The following ERG variants were observed in gnomAD, a reference collection of about 807,000 sequenced individuals.
The protein encoded by ERG is transcriptional regulator ERG.
In ERG, 9 loss-of-function variants were observed where a neutral mutation model predicts 55.3. The ratio of observed to expected loss-of-function variants is 0.16; its 90% CI spans 0.10 to 0.28. The LOEUF (loss-of-function observed/expected upper bound fraction) is 0.28. Ranked by LOEUF, ERG falls within the 10% of genes least tolerant of loss-of-function variation. ERG has a pLI of 1.00. For synonymous variants in ERG, 223 were observed against 237.3 expected (o/e 0.94, Z 0.55); for missense variants, 434 against 631.6 (o/e 0.69, Z 3.35).
intron 2 of ERG, among the ~76,000 whole-genome samples, chr21:38,520,897 C>T (rs1228081997): frequency 7.2e-5 from 11 of 152,116 alleles, no homozygotes; most frequent in Non-Finnish European, 1.0e-4. Context: ...TTATATCAGA[C>T]GTGCTCATAG....
chr21:38,532,956 A>G (rs1031639006), intron 2 of ERG, among the ~76,000 whole-genome samples: 3 of 152,268 alleles, frequency 2.0e-5, no homozygotes, highest in African/African-American at 7.2e-5. Context: ...TCTACTTGTA[A>G]TAAGCCATCT....
At chr21:38,386,306 C>A (rs1987688892) in intron 9 of ERG, among the ~76,000 whole-genome samples, 1 of 152,058 alleles carries the variant, frequency 6.6e-6, no homozygotes, top group Non-Finnish European at 1.5e-5. Flanking sequence ...AGCTTTCAAA[C>A]CTTGAAAGAA....
At chr21:38,544,310 C>T (rs1031854989) in intron 2 of ERG, among the ~76,000 whole-genome samples, 6 of 152,190 alleles carry the variant, frequency 3.9e-5, no homozygotes, top group African/African-American at 1.2e-4. Flanking sequence ...AGGCTGGCAG[C>T]GCTGGAGCCA....
rs1217779901 is a variant in ERG, at chr21:38,400,647, T to C, written c.674-2A>G. On this transcript the variant is annotated splice_acceptor_variant, in intron 5 of 9. Coordinates refer to ENST00000288319, the MANE Select transcript of ERG (RefSeq NM_182918.4). LOFTEE classifies it high-confidence loss of function. The stretch of plus-strand genomic sequence containing the variant: ...TTGGGAAAATAAAAGCTGCACCCCC[T>C]GCAGACAAAAGGAAAGACAAACATG... The C allele has an allele frequency of 6.3e-7, 1 of 1,599,964 alleles. No individual in the cohort carries two copies. The highest frequency in any genetic ancestry group is 2.2e-5 in the East Asian group (1 of 44,542).
At chr21:38,525,847 C>G (rs563007073) in intron 2 of ERG, among the ~76,000 whole-genome samples, 14 of 152,322 alleles carry the variant, frequency 9.2e-5, no homozygotes, top group African/African-American at 3.1e-4. Flanking sequence ...TGTGGAAATG[C>G]AGAGACGGAC....
At chr21:38,518,236 GTATCTA>G (rs1332158158) in intron 2 of ERG, among the ~76,000 whole-genome samples, 18 of 145,366 alleles carry the variant, frequency 1.2e-4, no homozygotes, top group African/African-American at 3.6e-4. Flanking sequence ...GTGTGTGTGT[GTATCTA>G]TCTATCTATC....
chr21:38,655,613 G>A (rs1157148373), intron 1 of ERG, among the ~76,000 whole-genome samples: 7 of 152,174 alleles, frequency 4.6e-5, no homozygotes, highest in Non-Finnish European at 7.3e-5. Context: ...ATCTGACTAC[G>A]AACAACTAAA....
chr21:38,368,820 A>C, the ERG span, among the ~76,000 whole-genome samples: 1 of 152,070 alleles, frequency 6.6e-6, no homozygotes, highest in Non-Finnish European at 1.5e-5. Flanking sequence ...CTATGCGTCC[A>C]TGTATTCTCA....
chr21:38,439,157 G>A (rs2058817930), intron 2 of ERG, among the ~76,000 whole-genome samples: 1 of 152,286 alleles, frequency 6.6e-6, no homozygotes, highest in Non-Finnish European at 1.5e-5. Flanking sequence ...TCACGAAATC[G>A]CCATCGCCTG....
chr21:38,552,658 A>C (rs571631471), intron 2 of ERG, among the ~76,000 whole-genome samples: 1 of 152,276 alleles, frequency 6.6e-6, no homozygotes, highest in East Asian at 1.9e-4. Context: ...AACACTGACA[A>C]ACTAGGCATT....
At chr21:38,553,636 A>C (rs1408410853) in intron 2 of ERG, among the ~76,000 whole-genome samples, 1 of 152,236 alleles carries the variant, frequency 6.6e-6, no homozygotes, top group Non-Finnish European at 1.5e-5. Flanking sequence ...CCATATGCAG[A>C]AGATTGAAAC....
At chr21:38,423,753 C>G (rs560657997) in intron 2 of ERG, among the ~76,000 whole-genome samples, 192 bp from the exon 3 acceptor site, 1 of 152,002 alleles carries the variant, frequency 6.6e-6, no homozygotes, top group African/African-American at 2.4e-5. Context: ...TTTGGGATGC[C>G]GAGGTGGGCG....
In ERG at chr21:38,486,384, G is replaced by A. The variant is rs548028563; in HGVS notation, c.18+11979C>T. Among the ~76,000 whole-genome samples, 19 of 152,302 alleles carry A rather than the reference G, an allele frequency of 1.2e-4. 1 individual carries two copies. Among genetic ancestry groups the A allele is most frequent in the Non-Finnish European group, 1.5e-5 (1 of 68,034 alleles). On this transcript the variant is annotated intron_variant, in intron 1 of 9. Coordinates refer to ENST00000288319, the MANE Select transcript of ERG (RefSeq NM_182918.4). ...GCTACACTTATAGCCTGTAGCCTAC[G>A]TGTGCAGCCGGCTATGCCATGTACA...
intron 2 of ERG, among the ~76,000 whole-genome samples, chr21:38,531,115 A>G (rs1359499523): frequency 1.3e-5 from 2 of 152,102 alleles, no homozygotes; most frequent in African/African-American, 2.4e-5. Context: ...CACAAAGGGG[A>G]CCTGAACACG....
At chr21:38,404,833 C>G (rs890302953) in intron 3 of ERG, among the ~76,000 whole-genome samples, 5 of 152,124 alleles carry the variant, frequency 3.3e-5, no homozygotes, top group Non-Finnish European at 7.3e-5. Flanking sequence ...ACTTTCAGAT[C>G]CTTGTTTGTT....
chr21:38,652,654 G>C (rs2060495128), intron 1 of ERG, among the ~76,000 whole-genome samples: 2 of 152,264 alleles, frequency 1.3e-5, no homozygotes, highest in Middle Eastern at 6.8e-3. Flanking sequence ...TGATGCTAAG[G>C]CTAAAAATGA....
At chr21:38,475,105 C>T (rs1369388100) in intron 1 of ERG, among the ~76,000 whole-genome samples, 3 of 152,142 alleles carry the variant, frequency 2.0e-5, no homozygotes, top group South Asian at 2.1e-4. Context: ...GGTTCCAAAG[C>T]GCATGCCCAT....
chr21:38,613,298 C>T (rs974172968), intron 1 of ERG, among the ~76,000 whole-genome samples: 1 of 152,330 alleles, frequency 6.6e-6, no homozygotes, highest in African/African-American at 2.4e-5. Flanking sequence ...AGTTAGCACA[C>T]GCGGCCCCTT....
intron 3 of ERG, among the ~76,000 whole-genome samples, chr21:38,413,053 G>A (rs1032264202): frequency 6.6e-6 from 1 of 152,206 alleles, no homozygotes; most frequent in African/African-American, 2.4e-5. Flanking sequence ...GACAGGCTCA[G>A]TTCCAATTCT....
Sources: gnomAD v4.1 joint callset for allele counts (sites outside exome capture counted in the v4.1 genomes callset) on GRCh38, gnomAD v4.1.1 for gene constraint, MANE v1.5 for transcripts, NCBI Gene and HGNC (gene_info 2026-07-23, HGNC 2026-07-21) for gene names.